FRMPD4: variants seen among roughly 807,000 people sequenced by gnomAD.
The protein encoded by FRMPD4 is FERM and PDZ domain-containing protein 4.
FRMPD4 carries 22 observed loss-of-function variants against 94.1 expected under a neutral mutation model. The ratio of observed to expected loss-of-function variants is 0.23; its 90% CI spans 0.17 to 0.33. The LOEUF (loss-of-function observed/expected upper bound fraction) is 0.33, where lower values mean the gene tolerates loss of function less well. FRMPD4 is among the 10% of genes least tolerant of loss of function. The probability of loss-of-function intolerance (pLI) is 1.00; values close to 1 mark genes in which losing one functional copy is unlikely to be tolerated. For synonymous variants in FRMPD4, 631 were observed against 548.6 expected (o/e 1.15, Z -2.10); for missense variants, 1,111 against 1,339.9 (o/e 0.83, Z 2.67).
chrX:12,070,299 T>A (rs768066195), intron 3 of FRMPD4, among the ~76,000 whole-genome samples: 13 of 110,879 alleles, frequency 1.2e-4, no homozygotes, highest in Admixed American at 9.7e-4. Flanking sequence ...AATAGAGAAT[T>A]TTTTTCCCAC....
chrX:12,095,377 C>CAAAA (rs201645954), intron 3 of FRMPD4, among the ~76,000 whole-genome samples: 1 of 72,822 alleles, frequency 1.4e-5, no homozygotes, highest in African/African-American at 4.9e-5. Context: ...CTCTCTGTCT[C>CAAAA]AAAAAAAAAA....
chrX:12,270,300 T>C (rs906511400), intron 1 of FRMPD4, among the ~76,000 whole-genome samples: 2 of 112,277 alleles, frequency 1.8e-5, no homozygotes, highest in African/African-American at 6.5e-5. Context: ...TTCTTTAATT[T>C]ATCTTGGATG....
chrX:12,027,622 A>T (rs1024947682), intron 3 of FRMPD4, among the ~76,000 whole-genome samples: 9 of 112,125 alleles, frequency 8.0e-5, no homozygotes, highest in African/African-American at 2.9e-4. Context: ...CAAAAAAAAA[A>T]TCAAATAAAA....
Position 12,642,366 on chromosome X carries a change from C to T in FRMPD4, c.422+27485C>T, listed in dbSNP as rs1395474558. On this transcript the variant is annotated intron_variant, in intron 4 of 16. Coordinates refer to ENST00000675598, the MANE Select transcript of FRMPD4 (RefSeq NM_001368397.1). ...AGAAAGTGACATTTAGGTTGAGACC[C>T]GGACGATGGGAAAAGCTAACCAGGC... Among the ~76,000 whole-genome samples, 3 of 111,776 alleles carry T rather than the reference C, an allele frequency of 2.7e-5. No individual in the cohort carries two copies. In the East Asian group the frequency reaches 8.5e-4, roughly 32 times the overall value.
At chrX:12,151,265 A>G (rs928143699) in intron 1 of FRMPD4, among the ~76,000 whole-genome samples, 5 of 111,685 alleles carry the variant, frequency 4.5e-5, no homozygotes, top group Non-Finnish European at 9.4e-5. Context: ...TTGCATCACA[A>G]TGGCTGGAAG....
intron 1 of FRMPD4, among the ~76,000 whole-genome samples, chrX:12,249,883 CAT>C (rs2054009659): frequency 9.0e-6 from 1 of 111,635 alleles, no homozygotes; most frequent in African/African-American, 3.3e-5. Context: ...ATTTTGCAGT[CAT>C]GTGTGTAGTG....
chrX:12,655,156 A>G (rs2059640078), intron 4 of FRMPD4, among the ~76,000 whole-genome samples: 1 of 112,565 alleles, frequency 8.9e-6, no homozygotes, highest in African/African-American at 3.2e-5. Context: ...ACTCAGGCAC[A>G]GGGAAATACA....
chrX:12,304,393 A>G (rs1212457216), intron 1 of FRMPD4, among the ~76,000 whole-genome samples: 4 of 110,903 alleles, frequency 3.6e-5, no homozygotes, highest in Non-Finnish European at 7.6e-5. Flanking sequence ...GATGTTTAGC[A>G]GCATCTCTGG....
At chrX:12,301,320 G>A (rs747640845) in intron 1 of FRMPD4, among the ~76,000 whole-genome samples, 24 of 111,690 alleles carry the variant, frequency 2.1e-4, no homozygotes, top group South Asian at 1.5e-3. Flanking sequence ...ATCGGTCTAC[G>A]GATGAAGTCT....
At chrX:12,195,978 G>A (rs986450781) in intron 1 of FRMPD4, among the ~76,000 whole-genome samples, 1 of 111,851 alleles carries the variant, frequency 8.9e-6, no homozygotes, top group Admixed American at 9.5e-5. Flanking sequence ...GAATGGATGT[G>A]TCAATGGGAT....
At chrX:12,578,298 C>T (rs866701594) in intron 2 of FRMPD4, among the ~76,000 whole-genome samples, 1 of 112,418 alleles carries the variant, frequency 8.9e-6, no homozygotes, top group African/African-American at 3.2e-5. Flanking sequence ...ACTGCTCACC[C>T]GCTGGTGTTG....
At chrX:12,527,763 T>G (rs191821180) in intron 2 of FRMPD4, among the ~76,000 whole-genome samples, 5 of 111,985 alleles carry the variant, frequency 4.5e-5, no homozygotes, top group Admixed American at 3.8e-4. Flanking sequence ...CTATGCTACT[T>G]TCATATGTTA....
intron 3 of FRMPD4, among the ~76,000 whole-genome samples, chrX:11,942,506 C>T (rs770515020): frequency 3.6e-5 from 4 of 111,339 alleles, no homozygotes; most frequent in African/African-American, 9.8e-5. Flanking sequence ...TTAAGGGTGA[C>T]GTAGTAACCT....
chrX:12,688,282 G>A (rs977081344), intron 7 of FRMPD4, among the ~76,000 whole-genome samples: 9 of 111,833 alleles, frequency 8.0e-5, no homozygotes, highest in African/African-American at 2.3e-4. Context: ...CCTGAAGACC[G>A]AGGTAAAGAC....
chrX:12,079,686 C>G (rs1371088290), intron 3 of FRMPD4, among the ~76,000 whole-genome samples: 1 of 111,953 alleles, frequency 8.9e-6, no homozygotes, highest in Non-Finnish European at 1.9e-5. Context: ...ATATTTTTCT[C>G]TAAGCCAAGG....
At chrX:11,897,684 T>C (rs1421980740) in intron 3 of FRMPD4, among the ~76,000 whole-genome samples, 1 of 112,299 alleles carries the variant, frequency 8.9e-6, no homozygotes, top group Admixed American at 9.4e-5. Flanking sequence ...TATACAATCA[T>C]TGTGTACCAT....
intron 5 of FRMPD4, among the ~76,000 whole-genome samples, chrX:12,675,856 A>G (rs911553833): frequency 1.8e-5 from 2 of 110,983 alleles, no homozygotes; most frequent in African/African-American, 6.6e-5. Flanking sequence ...GTGCTCTGGT[A>G]TTTGCTGATC....
At chrX:12,124,521 A>G (rs1012627341) in intron 3 of FRMPD4, among the ~76,000 whole-genome samples, 1 of 112,208 alleles carries the variant, frequency 8.9e-6, no homozygotes, top group African/African-American at 3.2e-5. Flanking sequence ...TTAATGTGTA[A>G]TTAAATGTTT....
chrX:12,220,125 G>C (rs1005772285), intron 1 of FRMPD4, among the ~76,000 whole-genome samples: 1 of 108,493 alleles, frequency 9.2e-6, no homozygotes, highest in Non-Finnish European at 1.9e-5. Flanking sequence ...TGGGCAACAA[G>C]AGTGAAACTT....
Sources: allele counts gnomAD v4.1 joint callset (sites outside exome capture counted in the v4.1 genomes callset), GRCh38; gene constraint gnomAD v4.1.1; transcripts MANE v1.5; gene names NCBI Gene and HGNC (gene_info 2026-07-23, HGNC 2026-07-21).